Variants in PPP2R5A observed in about 807,000 individuals in gnomAD.
PPP2R5A encodes the protein serine/threonine-protein phosphatase 2A 56 kDa regulatory subunit alpha isoform.
A neutral mutation model predicts 64.2 loss-of-function variants in PPP2R5A; 25 were observed. The observed-to-expected ratio is 0.39, with a 90% confidence interval of 0.28 to 0.54. The LOEUF (loss-of-function observed/expected upper bound fraction) is 0.54. Ranked by LOEUF, PPP2R5A falls within the 20% of genes least tolerant of loss-of-function variation. The pLI is 0.67. For synonymous variants in PPP2R5A, 198 were observed against 201.2 expected, an observed-to-expected ratio of 0.98 and a Z score of 0.13; for missense variants, 425 against 576.3, an observed-to-expected ratio of 0.74 and a Z score of 2.69.
chr1:212,356,791 C>A, intron 9 of PPP2R5A, 115 bp downstream of exon 9: 1 of 1,335,604 alleles, frequency 7.5e-7, no homozygotes, highest in South Asian at 1.4e-5. Context: ...GGGAGATGTA[C>A]ACAGACTTGG....
chr1:212,293,792 C>T (rs1052158929), intron 1 of PPP2R5A, among the ~76,000 whole-genome samples: 3 of 151,772 alleles, frequency 2.0e-5, no homozygotes, highest in South Asian at 2.1e-4. Context: ...TGCTAATTGC[C>T]GCTACTATAT....
intron 1 of PPP2R5A, among the ~76,000 whole-genome samples, chr1:212,315,694 A>G (rs1014249821): frequency 1.3e-5 from 2 of 152,244 alleles, no homozygotes; most frequent in African/African-American, 4.8e-5. Context: ...TATGAAGTAT[A>G]CATACAAGTA....
chr1:212,287,315 A>G (rs1174120999), intron 1 of PPP2R5A, among the ~76,000 whole-genome samples: 2 of 152,204 alleles, frequency 1.3e-5, no homozygotes, highest in East Asian at 3.8e-4. Flanking sequence ...AAAATTTGCA[A>G]CCTGACGGAA....
chr1:212,321,473 G>T (rs1256026165), intron 1 of PPP2R5A, among the ~76,000 whole-genome samples: 10 of 150,508 alleles, frequency 6.6e-5, no homozygotes, highest in African/African-American at 2.5e-4. Flanking sequence ...TTCTCAGACG[G>T]TGTGGCTGCC....
At chr1:212,349,009 T>C (rs1659830538) in intron 7 of PPP2R5A, among the ~76,000 whole-genome samples, 180 bp from the exon 8 acceptor site, 1 of 152,180 alleles carries the variant, frequency 6.6e-6, no homozygotes, top group African/African-American at 2.4e-5. Flanking sequence ...GTTACACAAT[T>C]GTGAGTATAG....
intron 1 of PPP2R5A, chr1:212,297,616 T>C (rs1658722611): frequency 6.6e-6 from 1 of 152,228 alleles, no homozygotes; most frequent in Non-Finnish European, 1.5e-5. Context: ...TAAGCCAGTA[T>C]TGAACGTAGA....
intron 1 of PPP2R5A, among the ~76,000 whole-genome samples, chr1:212,307,161 A>G (rs1007604426): frequency 4.0e-5 from 6 of 150,272 alleles, no homozygotes; most frequent in African/African-American, 1.5e-4. Flanking sequence ...TTTGTTCTCT[A>G]TTGTATTCTT....
chr1:212,337,892 C>T (rs1421897905), intron 3 of PPP2R5A, among the ~76,000 whole-genome samples: 1 of 152,020 alleles, frequency 6.6e-6, no homozygotes, highest in Non-Finnish European at 1.5e-5. Context: ...TATATAATAT[C>T]TCATATAGTT....
chr1:212,334,766 A>G (rs992824480), intron 3 of PPP2R5A, among the ~76,000 whole-genome samples: 1 of 152,088 alleles, frequency 6.6e-6, no homozygotes, highest in African/African-American at 2.4e-5. Flanking sequence ...AATCTTATTG[A>G]GGATCTCATC....
At chr1:212,321,456 TC>T in intron 1 of PPP2R5A, among the ~76,000 whole-genome samples, 1 of 143,984 alleles carries the variant, frequency 6.9e-6, no homozygotes, top group African/African-American at 2.7e-5. Context: ...GCGGAGGGGC[TC>T]CTCACTTCTC....
chr1:212,333,457 C>T (rs1490645871), intron 2 of PPP2R5A, 40 bp from the exon 3 acceptor site: 37 of 1,289,954 alleles, frequency 2.9e-5, no homozygotes, highest in Non-Finnish European at 3.8e-5. Context: ...AATTCAATTA[C>T]ACATACAACA....
intron 3 of PPP2R5A, among the ~76,000 whole-genome samples, chr1:212,334,431 A>G (rs753425886): frequency 6.6e-6 from 1 of 152,112 alleles, no homozygotes; most frequent in Non-Finnish European, 1.5e-5. Flanking sequence ...AGTAGCTGCA[A>G]CTACAGATGT....
At chr1:212,343,426 T>G (rs1470842564) in intron 4 of PPP2R5A, among the ~76,000 whole-genome samples, 3 of 152,200 alleles carry the variant, frequency 2.0e-5, no homozygotes, top group Non-Finnish European at 4.4e-5. Flanking sequence ...CCGCTTTGTA[T>G]GTGCCCTATG....
chr1:212,292,027 T>C (rs969162729), intron 1 of PPP2R5A, among the ~76,000 whole-genome samples: 1 of 152,214 alleles, frequency 6.6e-6, no homozygotes, highest in Non-Finnish European at 1.5e-5. Flanking sequence ...ATACTACCAT[T>C]GTATATGTTA....
rs550234017 is a variant in PPP2R5A, at chr1:212,338,178, A to G, written c.481-4010A>G. Among the ~76,000 whole-genome samples, 249 of 152,292 alleles carry G rather than the reference A, an allele frequency of 1.6e-3. 1 individual carries two copies. In the Middle Eastern group the frequency reaches 0.017, roughly 10 times the overall value. The stretch of plus-strand genomic sequence containing the variant: ...TTGGAACTTCTCCCAAGTCTTTTTA[A>G]TGGTGAAGACCAGAATTCTATGTTT... On this transcript the variant is annotated intron_variant, in intron 3 of 12. Coordinates refer to ENST00000261461, the MANE Select transcript of PPP2R5A (RefSeq NM_006243.4).
chr1:212,304,330 C>T (rs908847555), intron 1 of PPP2R5A, among the ~76,000 whole-genome samples: 3 of 152,088 alleles, frequency 2.0e-5, no homozygotes, highest in Non-Finnish European at 4.4e-5. Context: ...GTGGGTGGAT[C>T]ACCTGAGGTT....
intron 1 of PPP2R5A, among the ~76,000 whole-genome samples, chr1:212,308,179 AAT>A (rs1658956708): frequency 6.6e-6 from 1 of 152,056 alleles, no homozygotes; most frequent in Non-Finnish European, 1.5e-5. Flanking sequence ...GAGCACTTTG[AAT>A]ATGTTATTCC....
intron 3 of PPP2R5A, among the ~76,000 whole-genome samples, chr1:212,339,534 G>A (rs115602245): frequency 0.023 from 3,555 of 152,148 alleles, 151 homozygotes; most frequent in African/African-American, 0.081. Context: ...CTAAGTTGGC[G>A]GCATAACAGC....
rs527985876 is a variant in PPP2R5A, at chr1:212,345,528, T to C, written c.574-275T>C. On this transcript the variant is annotated intron_variant, in intron 4 of 12. Transcript: ENST00000261461. Reference sequence around the variant, plus strand: ...GCCTCTTTAGTATTCAAGAGTAGGATTGAATTTTAAAATCAGTGGGAAGGT... The same window carrying C: ...GCCTCTTTAGTATTCAAGAGTAGGACTGAATTTTAAAATCAGTGGGAAGGT... 6.6e-5 allele frequency among the ~76,000 whole-genome samples: 10 copies of C among 152,298 alleles called. No homozygotes were observed. In the South Asian group the frequency reaches 1.0e-3, roughly 16 times the overall value.
Sources: gnomAD v4.1 joint callset for allele counts (sites outside exome capture counted in the v4.1 genomes callset) on GRCh38, gnomAD v4.1.1 for gene constraint, MANE v1.5 for transcripts, NCBI Gene and HGNC (gene_info 2026-07-23, HGNC 2026-07-21) for gene names.